CCDC158: variants seen among roughly 807,000 people sequenced by gnomAD.
CCDC158 encodes the protein coiled-coil domain-containing protein 158.
A neutral mutation model predicts 138.6 loss-of-function variants in CCDC158; 116 were observed. The ratio of observed to expected loss-of-function variants is 0.84; its 90% confidence interval spans 0.72 to 0.98. The LOEUF is 0.98. Ranked by LOEUF, CCDC158 falls within the 50% of genes least tolerant of loss-of-function variation. The pLI is 0.00. For synonymous variants in CCDC158, 436 were observed against 442.4 expected (o/e 0.99, Z 0.18); for missense variants, 1,265 against 1,306.1 (o/e 0.97, Z 0.48).
Position 76,371,428 on chromosome 4 carries a change from G to A in CCDC158, c.1138C>T (p.Gln380Ter), listed in dbSNP as rs374047426. Residue 380 changes from glutamine to a stop codon, truncating the protein, a stop_gained, in exon 10 of 25, where the codon CAA (glutamine) becomes TAA (stop). Transcript: ENST00000682701. LOFTEE classifies it high-confidence loss of function. ...QESGNLDDQL[Q>*]KLLADLHKRE... is the part of the protein sequence containing the mutation. ...AAGCATAATCTTACCAACAGCTTTT[G>A]AAGTTGATCATCTAAATTTCCAGAT... The A allele has an allele frequency of 1.2e-6, 2 of 1,613,858 alleles. No individual in the cohort carries two copies. Among genetic ancestry groups the A allele is most frequent in the Non-Finnish European group, 1.7e-6 (2 of 1,179,936 alleles).
intron 22 of CCDC158, 81 bp from the exon 23 acceptor site, chr4:76,326,096 C>A: frequency 8.6e-7 from 1 of 1,162,428 alleles, no homozygotes. Flanking sequence ...GTCAAGCTTT[C>A]ATGAGAAAAT....
intron 3 of CCDC158, chr4:76,401,151 G>A (rs1728347051): frequency 7.5e-6 from 2 of 268,152 alleles, no homozygotes; most frequent in Admixed American, 9.0e-5. Context: ...ACCTTCATGT[G>A]CAGAAAATAG....
chr4:76,359,880 G>C (rs552390137), intron 13 of CCDC158, among the ~76,000 whole-genome samples: 14 of 152,364 alleles, frequency 9.2e-5, no homozygotes, highest in African/African-American at 3.4e-4. Context: ...AATTTGCTAA[G>C]TAAAGAGGAG....
chr4:76,386,538 T>C (rs1726807622), intron 4 of CCDC158, among the ~76,000 whole-genome samples: 1 of 152,268 alleles, frequency 6.6e-6, no homozygotes, highest in African/African-American at 2.4e-5. Context: ...CACTGTGTAG[T>C]GTACTTTCAT....
intron 18 of CCDC158, among the ~76,000 whole-genome samples, chr4:76,347,703 T>C (rs1370713207): frequency 6.6e-6 from 1 of 152,102 alleles, no homozygotes; most frequent in Admixed American, 6.5e-5. Flanking sequence ...AGTTAAAGTA[T>C]AATTTTTAAA....
chr4:76,373,622 C>T (rs576462970), intron 9 of CCDC158, among the ~76,000 whole-genome samples: 1 of 152,204 alleles, frequency 6.6e-6, no homozygotes, highest in African/African-American at 2.4e-5. Flanking sequence ...TACATACATA[C>T]ACACATCTCT....
chr4:76,381,539 A>G (rs1460044543), intron 8 of CCDC158, among the ~76,000 whole-genome samples: 1 of 152,242 alleles, frequency 6.6e-6, no homozygotes, highest in Non-Finnish European at 1.5e-5. Context: ...ACCCAGTTGT[A>G]TCTTGGAAAT....
In CCDC158 at chr4:76,323,323, C is replaced by T; in HGVS notation, c.3256G>A (p.Asp1086Asn). The change falls in exon 24 of 25, where the codon GAT becomes AAT. Residue 1086 changes from aspartate to asparagine, a missense_variant. Physicochemically the swap from Asp to Asn is conservative, Grantham distance 23. Coordinates refer to ENST00000682701, the MANE Select transcript of CCDC158 (RefSeq NM_001394954.1). ...RLESLQTLVE[D>N]LQLKNQAMSS... Reference sequence around the variant, plus strand: ...GTACCTTGGTTCTTCAGCTGTAAATCTTCTACCAGAGTTTGCAAGCTTTCT... The same window carrying T: ...GTACCTTGGTTCTTCAGCTGTAAATTTTCTACCAGAGTTTGCAAGCTTTCT... 1 of 1,612,312 alleles carries T rather than the reference C, an allele frequency of 6.2e-7. No homozygotes were observed. The highest frequency in any genetic ancestry group is 2.2e-5 in the East Asian group (1 of 44,854).
At chr4:76,315,212 C>T (rs576658127) in intron 24 of CCDC158, among the ~76,000 whole-genome samples, 4 of 152,270 alleles carry the variant, frequency 2.6e-5, no homozygotes, top group South Asian at 4.1e-4. Flanking sequence ...GAACATAACT[C>T]CACTGGCCCA....
chr4:76,386,577 G>A (rs1401721895), intron 4 of CCDC158, among the ~76,000 whole-genome samples: 1 of 152,218 alleles, frequency 6.6e-6, no homozygotes, highest in Non-Finnish European at 1.5e-5. Flanking sequence ...TTCCTTCCTT[G>A]CTTTGTTTGT....
At chr4:76,348,381 G>A (rs1578932332) in intron 18 of CCDC158, among the ~76,000 whole-genome samples, 1 of 143,950 alleles carries the variant, frequency 6.9e-6, no homozygotes, top group Admixed American at 7.3e-5. Flanking sequence ...CTTGTGGTGA[G>A]CTGAGATTGT....
intron 13 of CCDC158, among the ~76,000 whole-genome samples, chr4:76,357,991 G>GCACACA (rs3041129): frequency 4.7e-5 from 7 of 148,666 alleles, no homozygotes; most frequent in Non-Finnish European, 7.4e-5. Context: ...ACACATGTGT[G>GCACACA]CACACACACA....
At chr4:76,384,513 T>C (rs754933116) in intron 5 of CCDC158, 43 bp downstream of exon 5, 1 of 1,565,350 alleles carries the variant, frequency 6.4e-7, no homozygotes, top group South Asian at 1.2e-5. Flanking sequence ...TAATTTCACA[T>C]AATGAAAATA....
At chr4:76,387,626 C>T (rs1465293735) in intron 4 of CCDC158, among the ~76,000 whole-genome samples, 1 of 151,804 alleles carries the variant, frequency 6.6e-6, no homozygotes, top group African/African-American at 2.4e-5. Context: ...AGTTTGAGAC[C>T]AGCCTGACCA....
In CCDC158 at chr4:76,323,353, T is replaced by C. The variant is rs756948485; in HGVS notation, c.3226A>G (p.Arg1076Gly). Reference sequence around the variant, plus strand: ...ACCAGAGTTTGCAAGCTTTCTAGTCTGTTCTGAAGCTTCCTGCATGTTTTT... The same window carrying C: ...ACCAGAGTTTGCAAGCTTTCTAGTCCGTTCTGAAGCTTCCTGCATGTTTTT... ...TGKTCRKLQN[R>G]LESLQTLVED... Residue 1076 changes from arginine (R) to glycine (G), a missense_variant, in exon 24 of 25, where the codon AGA (arginine) becomes GGA (glycine). Arg to Gly is a moderately radical substitution (Grantham distance 125). Coordinates refer to ENST00000682701, the MANE Select transcript of CCDC158 (RefSeq NM_001394954.1). The C allele has an allele frequency of 1.4e-5, 22 of 1,613,280 alleles. No individual in the cohort carries two copies. Among genetic ancestry groups the C allele is most frequent in the Non-Finnish European group, 1.8e-5 (21 of 1,179,612 alleles).
chr4:76,379,159 T>C (rs1253303448), intron 9 of CCDC158, 131 bp downstream of exon 9: 5 of 446,230 alleles, frequency 1.1e-5, no homozygotes, highest in Non-Finnish European at 2.0e-5. Flanking sequence ...AGCATGCTCT[T>C]ACTCCAGCTT....
chr4:76,334,889 C>T (rs1192635702), intron 18 of CCDC158, among the ~76,000 whole-genome samples: 1 of 152,152 alleles, frequency 6.6e-6, no homozygotes. Context: ...ATGAACACTG[C>T]AGATTTTTTA....
chr4:76,387,695 C>A (rs545499474), intron 4 of CCDC158, among the ~76,000 whole-genome samples: 10 of 151,832 alleles, frequency 6.6e-5, no homozygotes, highest in African/African-American at 2.4e-4. Flanking sequence ...TGGTGGTGCG[C>A]GCCTGTAATC....
intron 1 of CCDC158, among the ~76,000 whole-genome samples, chr4:76,420,582 T>G (rs1300740442): frequency 6.6e-6 from 1 of 152,220 alleles, no homozygotes; most frequent in Non-Finnish European, 1.5e-5. Flanking sequence ...CATTCCGTCT[T>G]GGATGCGAGG....
Sources: gnomAD v4.1 joint callset for allele counts (sites outside exome capture counted in the v4.1 genomes callset) on GRCh38, gnomAD v4.1.1 for gene constraint, MANE v1.5 for transcripts, NCBI Gene and HGNC (gene_info 2026-07-23, HGNC 2026-07-21) for gene names.